The following MGAT5B variants were observed in gnomAD, a reference collection of about 807,000 sequenced individuals.
MGAT5B encodes the protein alpha-1,6-mannosylglycoprotein 6-beta-N-acetylglucosaminyltransferase B.
Under a neutral mutation model 95.1 loss-of-function variants are expected in MGAT5B, and 54 were observed. That is an observed-to-expected ratio of 0.57 (90% CI 0.46 to 0.71). The LOEUF (loss-of-function observed/expected upper bound fraction) is 0.71. Ranked by LOEUF, MGAT5B falls within the 30% of genes least tolerant of loss-of-function variation. MGAT5B has a pLI of 0.00. For synonymous variants in MGAT5B, 464 were observed against 451.0 expected, an observed-to-expected ratio of 1.03 and a Z score of -0.36; for missense variants, 935 against 1,088.6, an observed-to-expected ratio of 0.86 and a Z score of 1.99.
At chr17:76,939,383 G>C (rs528784349) in intron 13 of MGAT5B, among the ~76,000 whole-genome samples, 2 of 151,862 alleles carry the variant, frequency 1.3e-5, no homozygotes, top group South Asian at 2.1e-4. Flanking sequence ...GTGTGGTGGC[G>C]GGCGCCTGTA....
intron 13 of MGAT5B, among the ~76,000 whole-genome samples, chr17:76,939,956 T>C (rs2145275555): frequency 6.6e-6 from 1 of 152,304 alleles, no homozygotes; most frequent in Non-Finnish European, 1.5e-5. Flanking sequence ...ATGTCTTTGC[T>C]GTTGTAAATA....
rs917077641 is a variant in MGAT5B, at chr17:76,918,397, G to A, written c.1026-6569G>A. 6.6e-6 allele frequency among the ~76,000 whole-genome samples: 1 copy of A among 152,218 alleles called. No homozygotes were observed. Among genetic ancestry groups the A allele is most frequent in the African/African-American group, 2.4e-5 (1 of 41,456 alleles). On this transcript the variant is annotated intron_variant, in intron 8 of 17. Transcript: ENST00000569840. The surrounding 1 kb of genome is among the most constrained non-coding windows in gnomAD (Gnocchi z 5.1). Reference sequence around the variant, plus strand: ...CATGCTGGGGATGCTCAAGGGCATCGCCTTTTCAGGAGATGGGAGCTGAGG... The same window carrying A: ...CATGCTGGGGATGCTCAAGGGCATCACCTTTTCAGGAGATGGGAGCTGAGG...
At chr17:76,943,376 C>T (rs1434136860) in intron 15 of MGAT5B, among the ~76,000 whole-genome samples, 1 of 152,040 alleles carries the variant, frequency 6.6e-6, no homozygotes, top group Non-Finnish European at 1.5e-5. Flanking sequence ...GGGCCCCACC[C>T]CTCCGCATAA....
chr17:76,907,623 A>G (rs962164432), intron 8 of MGAT5B, among the ~76,000 whole-genome samples: 1 of 151,972 alleles, frequency 6.6e-6, no homozygotes, highest in Admixed American at 6.6e-5. Context: ...GTCTGCGGAT[A>G]TTTTTTCCTG....
rs1970121289 is a variant in MGAT5B, at chr17:76,948,906, G to A, written c.*68G>A. 4 of 1,470,896 alleles carry A rather than the reference G, an allele frequency of 2.7e-6. No individual in the cohort carries two copies. Among genetic ancestry groups the A allele is most frequent in the South Asian group, 2.6e-5 (2 of 77,994 alleles). 91.1% of individuals were successfully genotyped at this position (1,470,896 alleles called of 1,614,324 possible). ...CCTGCCGCGGGAGAAAGCACCAGCA[G>A]GTTCTGAGCCCTGGCTGCTTGTCCT... On this transcript the variant is annotated 3_prime_UTR_variant, in exon 18 of 18. Transcript: ENST00000569840.
intron 15 of MGAT5B, among the ~76,000 whole-genome samples, chr17:76,942,648 AAGG>A (rs1255957656): frequency 6.6e-6 from 1 of 152,224 alleles, no homozygotes; most frequent in African/African-American, 2.4e-5. Flanking sequence ...CAGTGCCAGG[AAGG>A]AGGCCTTAGG....
chr17:76,919,970 G>A (rs1003738473), intron 8 of MGAT5B, among the ~76,000 whole-genome samples: 1 of 152,114 alleles, frequency 6.6e-6, no homozygotes, highest in African/African-American at 2.4e-5. Flanking sequence ...ACAGTGCAGG[G>A]GCCAACTCTA....
intron 2 of MGAT5B, among the ~76,000 whole-genome samples, chr17:76,873,192 T>G (rs1967068902): frequency 6.6e-6 from 1 of 152,246 alleles, no homozygotes; most frequent in African/African-American, 2.4e-5. Context: ...GCTAGGGCCT[T>G]TAAGCCAGGG....
intron 8 of MGAT5B, among the ~76,000 whole-genome samples, chr17:76,908,318 A>G (rs1250736229): frequency 7.7e-6 from 1 of 130,278 alleles, no homozygotes; most frequent in Non-Finnish European, 1.5e-5. Flanking sequence ...TCTGTTGCCC[A>G]GGCTGGAGTG....
intron 10 of MGAT5B, among the ~76,000 whole-genome samples, chr17:76,928,551 A>G (rs780501910): frequency 6.6e-6 from 1 of 151,998 alleles, no homozygotes; most frequent in Non-Finnish European, 1.5e-5. Flanking sequence ...CTAAAAATAC[A>G]AAAATTAGCC....
chr17:76,939,160 G>A (rs936952143), intron 13 of MGAT5B, among the ~76,000 whole-genome samples: 5 of 151,674 alleles, frequency 3.3e-5, no homozygotes, highest in Non-Finnish European at 7.4e-5. Flanking sequence ...TTTATTAAGT[G>A]CCTTTGAGGC....
intron 10 of MGAT5B, among the ~76,000 whole-genome samples, chr17:76,928,322 A>C (rs1287866021): frequency 6.6e-6 from 1 of 152,074 alleles, no homozygotes; most frequent in African/African-American, 2.4e-5. Flanking sequence ...GGGGAGTGGA[A>C]ATAGAGGCAG....
At chr17:76,920,715 C>G (rs1371355143) in intron 8 of MGAT5B, among the ~76,000 whole-genome samples, 3 of 152,128 alleles carry the variant, frequency 2.0e-5, no homozygotes, top group Non-Finnish European at 4.4e-5. Flanking sequence ...GCCGATTTGT[C>G]TCCCTCCTCT....
chr17:76,933,838 G>A (rs1969572315), intron 12 of MGAT5B, among the ~76,000 whole-genome samples: 1 of 152,136 alleles, frequency 6.6e-6, no homozygotes, highest in East Asian at 1.9e-4. Flanking sequence ...GGCGTTCCCC[G>A]GGGTCTTCTT....
intron 8 of MGAT5B, among the ~76,000 whole-genome samples, chr17:76,909,161 G>A (rs1663458): frequency 0.13 from 19,906 of 151,450 alleles, 1,674 homozygotes; most frequent in African/African-American, 0.21. Context: ...ATGGGTTTCC[G>A]CCATGTTGCC....
In MGAT5B at chr17:76,948,808, C is replaced by T; in HGVS notation, c.2349C>T (p.Gly783=). The change falls in exon 18 of 18, where the codon GGC becomes GGT. Residue 783 remains glycine, a synonymous_variant. Transcript: ENST00000569840. The stretch of plus-strand genomic sequence containing the variant: ...GCCCCTGCCGCGACTTCCGCAAGGG[C>T]CAGGTGGCCTTGTGCCAGGGCTGTC... ...RLCPCRDFRK[G]QVALCQGCL 6.2e-7 allele frequency: 1 copy of T among 1,606,146 alleles called. No homozygotes were observed. Among genetic ancestry groups the T allele is most frequent in the Non-Finnish European group, 8.5e-7 (1 of 1,177,232 alleles).
intron 3 of MGAT5B, among the ~76,000 whole-genome samples, chr17:76,893,183 G>A (rs4789364): frequency 0.31 from 47,486 of 151,896 alleles, 9,143 homozygotes; most frequent in African/African-American, 0.5. Context: ...CACACCCCAG[G>A]TTGCTCTCTC....
chr17:76,884,930 G>C (rs576745665), intron 3 of MGAT5B, among the ~76,000 whole-genome samples: 8 of 152,026 alleles, frequency 5.3e-5, no homozygotes, highest in Admixed American at 3.9e-4. Flanking sequence ...TAGAGACTGG[G>C]TTTTGCCCTG....
intron 11 of MGAT5B, 21 bp downstream of exon 11, chr17:76,932,796 C>G (rs778002338): frequency 1.2e-6 from 2 of 1,612,140 alleles, no homozygotes; most frequent in African/African-American, 2.7e-5. Context: ...CCCCTGCGCG[C>G]GGGAAGCACC....
Sources: gnomAD v4.1 joint callset for allele counts (sites outside exome capture counted in the v4.1 genomes callset) on GRCh38, gnomAD v4.1.1 for gene constraint, Gnocchi (gnomAD v3.1) non-coding constraint, MANE v1.5 for transcripts, NCBI Gene and HGNC (gene_info 2026-07-23, HGNC 2026-07-21) for gene names.